RANBP2: variants seen among roughly 807,000 people sequenced by gnomAD.
RANBP2 encodes the protein E3 SUMO-protein ligase RanBP2.
In RANBP2, 57 loss-of-function variants were observed where a neutral mutation model predicts 303.6. The observed-to-expected ratio is 0.19, with a 90% CI of 0.15 to 0.23. The LOEUF (loss-of-function observed/expected upper bound fraction) is 0.23, where lower values mean the gene tolerates loss of function less well. Among genes scored for constraint, RANBP2 ranks in the 10% least tolerant of loss-of-function variants. RANBP2 has a pLI of 1.00. For synonymous variants in RANBP2, 1,167 were observed against 1,301.5 expected (o/e 0.90, Z 2.23); for missense variants, 3,138 against 3,780.8 (o/e 0.83, Z 4.46).
chr2:109,350,352 A>G, the RANBP2 span, among the ~76,000 whole-genome samples: 1 of 152,138 alleles, frequency 6.6e-6, no homozygotes, highest in Non-Finnish European at 1.5e-5. Flanking sequence ...CACAGCAGAC[A>G]AGGGGGAAGT....
At chr2:109,763,785 C>A in the RANBP2 span, among the ~76,000 whole-genome samples, 1 of 149,984 alleles carries the variant, frequency 6.7e-6, no homozygotes. Context: ...TTATTTTAAT[C>A]CCTAAGAACT....
At chr2:108,742,574 G>C (rs191224005) in intron 7 of RANBP2, among the ~76,000 whole-genome samples, 185 of 151,816 alleles carry the variant, frequency 1.2e-3, no homozygotes, top group African/African-American at 4.4e-3. Flanking sequence ...AAAGTGCTGG[G>C]ATTACAGGCA....
chr2:109,094,703 G>A, the RANBP2 span, among the ~76,000 whole-genome samples: 2 of 152,116 alleles, frequency 1.3e-5, no homozygotes, highest in Non-Finnish European at 2.9e-5. Context: ...AGTGGTGGGT[G>A]CCTGCAATCC....
the RANBP2 span, among the ~76,000 whole-genome samples, chr2:109,166,009 C>T: frequency 5.3e-5 from 8 of 152,144 alleles, no homozygotes; most frequent in Admixed American, 4.6e-4. Flanking sequence ...TTTTCCTTTT[C>T]CCCCAGTTTG....
At chr2:109,205,267 T>C in the RANBP2 span, among the ~76,000 whole-genome samples, 2 of 151,762 alleles carry the variant, frequency 1.3e-5, no homozygotes, top group African/African-American at 4.8e-5. Context: ...GTGACTTTTT[T>C]TTTTTTTTTT....
In RANBP2 at chr2:108,765,009, A is replaced by G; in HGVS notation, c.4470A>G (p.Val1490=). 1 of 1,613,774 alleles carries G rather than the reference A, an allele frequency of 6.2e-7. No homozygotes were observed. The highest frequency in any genetic ancestry group is 8.5e-7 in the Non-Finnish European group (1 of 1,179,860). ...EGQWDCSACL[V]QNEGSSTKCA... is the part of the protein sequence containing the mutation. ...AGTGGGATTGCAGTGCATGTTTGGT[A>G]CAAAATGAGGGGAGCTCTACAAAAT... Residue 1490 remains valine, a synonymous_variant, in exon 20 of 29, where the codon GTA becomes GTG. Transcript: ENST00000283195.
chr2:109,225,665 G>T, the RANBP2 span, among the ~76,000 whole-genome samples: 1 of 152,226 alleles, frequency 6.6e-6, no homozygotes. Context: ...TGACCGTCTT[G>T]TTTCCTGTAA....
chr2:109,292,599 A>G, the RANBP2 span, among the ~76,000 whole-genome samples: 2 of 151,978 alleles, frequency 1.3e-5, no homozygotes, highest in African/African-American at 4.8e-5. Context: ...CCTGATTTCT[A>G]TTTTGGGCAT....
the RANBP2 span, among the ~76,000 whole-genome samples, chr2:109,429,673 G>A: frequency 6.6e-6 from 1 of 152,140 alleles, no homozygotes; most frequent in African/African-American, 2.4e-5. Context: ...GACAGCTCCA[G>A]CAGCCCAGCC....
chr2:108,740,004 G>A (rs1573730470), intron 6 of RANBP2, among the ~76,000 whole-genome samples: 1 of 151,680 alleles, frequency 6.6e-6, no homozygotes, highest in South Asian at 2.1e-4. Context: ...AAAAAAGGCA[G>A]ACTATTTTAA....
chr2:108,729,208 A>T lies in RANBP2; in HGVS notation c.140+9A>T, dbSNP rs755428275. ...TATGATCTTGCTAAAAAGTAAGTAC[A>T]AACTGTAACATGTATTTTTTTTTTA... On this transcript the variant is annotated intron_variant, in intron 2 of 28. Coordinates refer to ENST00000283195, the MANE Select transcript of RANBP2 (RefSeq NM_006267.5). 1.5e-5 allele frequency: 24 copies of T among 1,565,694 alleles called. 1 individual carries two copies. The African/African-American group carries it at 1.9e-4, about 12-fold the overall frequency.
chr2:109,260,376 C>T, the RANBP2 span, among the ~76,000 whole-genome samples: 34 of 152,324 alleles, frequency 2.2e-4, no homozygotes, highest in Admixed American at 1.2e-3. Context: ...TGCATGTGCC[C>T]TTCCAGGAAC....
At chr2:108,972,571 G>A in the RANBP2 span, among the ~76,000 whole-genome samples, 1 of 152,254 alleles carries the variant, frequency 6.6e-6, no homozygotes, top group Non-Finnish European at 1.5e-5. Context: ...GGGTTCAGAA[G>A]CTGGTGCCTT....
At chr2:108,744,358 C>T (rs538685466) in intron 7 of RANBP2, among the ~76,000 whole-genome samples, 3 of 151,848 alleles carry the variant, frequency 2.0e-5, no homozygotes, top group East Asian at 1.9e-4. Context: ...GAGCTGAAAT[C>T]GTGCCACTGC....
At chr2:108,742,334 T>A (rs1390828749) in intron 7 of RANBP2, among the ~76,000 whole-genome samples, 2 of 149,386 alleles carry the variant, frequency 1.3e-5, no homozygotes, top group African/African-American at 5.0e-5. Context: ...AGACGGAGTC[T>A]CGCTCTGTCA....
the RANBP2 span, among the ~76,000 whole-genome samples, chr2:109,254,713 G>A: frequency 6.6e-6 from 1 of 152,162 alleles, no homozygotes; most frequent in African/African-American, 2.4e-5. Context: ...CTCTTTCTGT[G>A]CCAGCCGCTC....
intron 24 of RANBP2, among the ~76,000 whole-genome samples, chr2:108,776,684 C>T (rs1485102709): frequency 6.6e-6 from 1 of 152,042 alleles, no homozygotes; most frequent in Non-Finnish European, 1.5e-5. Context: ...AAGAGAAGAC[C>T]GCAAAAGTCC....
chr2:109,284,394 G>T, the RANBP2 span, among the ~76,000 whole-genome samples: 1 of 152,178 alleles, frequency 6.6e-6, no homozygotes, highest in African/African-American at 2.4e-5. Context: ...ATGGAATTTG[G>T]CAATTGTGGG....
Position 108,719,603 on chromosome 2 carries a change from C to G in RANBP2, c.-4C>G. The G allele has an allele frequency of 6.2e-7, 1 of 1,603,232 alleles. No homozygotes were observed. Among genetic ancestry groups the G allele is most frequent in the Non-Finnish European group, 8.5e-7 (1 of 1,176,356 alleles). On this transcript the variant is annotated 5_prime_UTR_variant, in exon 1 of 29. Transcript: ENST00000283195. ...CGCGCCTCGGGAGCCAGGTTGGCGG[C>G]GCGATGAGGCGCAGCAAGGCTGACG...
Sources: gnomAD v4.1 joint callset for allele counts (sites outside exome capture counted in the v4.1 genomes callset) on GRCh38, gnomAD v4.1.1 for gene constraint, MANE v1.5 for transcripts, NCBI Gene and HGNC (gene_info 2026-07-23, HGNC 2026-07-21) for gene names.